Variants in SERPINB13 observed in about 807,000 individuals in gnomAD.
SERPINB13 encodes serpin B13.
SERPINB13 carries 26 observed loss-of-function variants against 31.2 expected under a neutral mutation model. The ratio of observed to expected loss-of-function variants is 0.83; its 90% confidence interval spans 0.61 to 1.15. The LOEUF is 1.15. SERPINB13 is among the 50% of genes most tolerant of loss of function. SERPINB13 has a pLI of 0.00. For synonymous variants in SERPINB13, 191 were observed against 172.4 expected (o/e 1.11, Z -0.85); for missense variants, 510 against 469.4 (o/e 1.09, Z -0.80).
chr18:63,588,297 G>A (rs1911627997), intron 1 of SERPINB13, among the ~76,000 whole-genome samples: 1 of 152,204 alleles, frequency 6.6e-6, no homozygotes, highest in South Asian at 2.1e-4. Context: ...GCCTGGACAA[G>A]GGCTGGGTCT....
At chr18:63,594,797 C>T (rs1196858187) in intron 6 of SERPINB13, among the ~76,000 whole-genome samples, 2 of 152,132 alleles carry the variant, frequency 1.3e-5, no homozygotes, top group Non-Finnish European at 2.9e-5. Context: ...CAAGATCATG[C>T]CACTGCACTC....
rs945457016 is a variant in SERPINB13 at position 63,598,305 on chromosome 18, G to A, written c.*942G>A. ...TTTGTCAAACTACAATTTACATGCC[G>A]TAAAATGTACACACTGTAATTTTAT... On this transcript the variant is annotated 3_prime_UTR_variant, in exon 8 of 8. Transcript: ENST00000344731. The A allele has an allele frequency of 1.2e-4, 18 of 151,988 alleles. No homozygotes were observed. Among genetic ancestry groups the A allele is most frequent in the South Asian group, 2.1e-4 (1 of 4,830 alleles). The allele number at this position is 151,988 out of a possible 1,614,324, so 9.4% of individuals were successfully genotyped here.
rs1367871672 is a variant in SERPINB13 at position 63,589,894 on chromosome 18, AC to A, written c.225+180del. The A allele has an allele frequency of 7.2e-5, 91 of 1,258,418 alleles. No homozygotes were observed. The East Asian group carries it at 2.3e-3, about 32-fold the overall frequency. The allele number at this position is 1,258,418 out of a possible 1,614,324, so 78.0% of individuals were successfully genotyped here. A position where few individuals can be genotyped will look rare whatever the true frequency, so the allele number is the denominator to read the frequency against. On this transcript the variant is annotated intron_variant, in intron 3 of 7. Coordinates refer to ENST00000344731, the MANE Select transcript of SERPINB13 (RefSeq NM_012397.4). ...AGACAAATATTGTTGTAAGGATTAT[AC>A]AATAATAATAACCCCTTAATATTGA...
rs1911935654 is a variant in SERPINB13 at position 63,592,858 on chromosome 18, A to G, written c.359A>G (p.Tyr120Cys). ...GEKTYLFLQK[Y>C]LDYVEKYYHA... ...CCTTCCTTGTTTCTCCTAAAGAAAT[A>G]CTTAGATTATGTTGAAAAATATTAT... Residue 120 changes from tyrosine to cysteine, a missense_variant, in exon 5 of 8, where the codon TAC becomes TGC. Transcript: ENST00000344731. The G allele has an allele frequency of 1.3e-6, 2 of 1,570,458 alleles. No homozygotes were observed. The highest frequency in any genetic ancestry group is 1.2e-5 in the South Asian group (1 of 86,492).
chr18:63,588,925 C>A (rs1337321246), intron 2 of SERPINB13, 93 bp downstream of exon 2: 1 of 1,315,416 alleles, frequency 7.6e-7, no homozygotes, highest in Non-Finnish European at 1.0e-6. Context: ...TAAAAATACG[C>A]TCTTCTTGAC....
chr18:63,588,802 C>A lies in SERPINB13; in HGVS notation c.135C>A (p.Thr45=), dbSNP rs1322069392. 5 of 1,614,028 alleles carry A rather than the reference C, an allele frequency of 3.1e-6. No homozygotes were observed. Among genetic ancestry groups the A allele is most frequent in the Non-Finnish European group, 4.2e-6 (5 of 1,179,986 alleles). Reference sequence around the variant, plus strand: ...CAATTGGCATGGTCCTCCTGGGGACCCGAGGAGCCACCGCTTCCCAGTTGG... The same window carrying A: ...CAATTGGCATGGTCCTCCTGGGGACACGAGGAGCCACCGCTTCCCAGTTGG... ...LTAIGMVLLG[T]RGATASQLEE... is the part of the protein sequence containing the mutation. Residue 45 remains threonine (T), a synonymous_variant, in exon 2 of 8, where the codon ACC becomes ACA. Coordinates refer to ENST00000344731, the MANE Select transcript of SERPINB13 (RefSeq NM_012397.4).
At chr18:63,588,958 T>A (rs1911681742) in intron 2 of SERPINB13, 126 bp downstream of exon 2, 5 of 1,063,364 alleles carry the variant, frequency 4.7e-6, no homozygotes, top group Non-Finnish European at 6.5e-6. Flanking sequence ...AAACAGAGAC[T>A]TTCAAGACAA....
At position 63,592,693 on chromosome 18, in the gene SERPINB13, TA is replaced by T. The variant is rs1271013656; in HGVS notation, c.355-156del. 2.0e-5 allele frequency among the ~76,000 whole-genome samples: 3 copies of T among 152,322 alleles called. No individual in the cohort carries two copies. In the East Asian group the frequency reaches 5.8e-4, roughly 29 times the overall value. On this transcript the variant is annotated intron_variant, in intron 4 of 7. Transcript: ENST00000344731. ...TTGCCTCATCCCCAGAATAGCTGCA[TA>T]AAAATGTGCAGCAGGAACTCAATGT...
At chr18:63,589,169 G>A (rs539301938) in intron 2 of SERPINB13, among the ~76,000 whole-genome samples, 6 of 152,178 alleles carry the variant, frequency 3.9e-5, no homozygotes, top group South Asian at 2.1e-4. Context: ...AAGCCAATAC[G>A]AGTTCCTTAG....
At position 63,598,679 on chromosome 18, in the gene SERPINB13, T is replaced by C. The variant is rs1416214024; in HGVS notation, c.*1316T>C. On this transcript the variant is annotated 3_prime_UTR_variant, in exon 8 of 8. Coordinates refer to ENST00000344731, the MANE Select transcript of SERPINB13 (RefSeq NM_012397.4). ...CACCAGTTGAGGGACATTTGGATTG[T>C]TCCCACTTCTTGGCTGTTAGGAATA... The C allele has an allele frequency of 1.3e-5, 2 of 152,240 alleles. No individual in the cohort carries two copies. The highest frequency in any genetic ancestry group is 2.9e-5 in the Non-Finnish European group (2 of 68,034). The allele number at this position is 152,240 out of a possible 1,614,324, so 9.4% of individuals were successfully genotyped here.
At chr18:63,588,208 T>C (rs879297185) in intron 1 of SERPINB13, among the ~76,000 whole-genome samples, 5 of 152,164 alleles carry the variant, frequency 3.3e-5, no homozygotes, top group Non-Finnish European at 7.3e-5. Context: ...AGAGCACTGT[T>C]TGAACTTGAG....
Position 63,592,966 on chromosome 18 carries a change from C to T in SERPINB13, c.467C>T (p.Thr156Ile), listed in dbSNP as rs372447873. 1 of 1,598,296 alleles carries T rather than the reference C, an allele frequency of 6.3e-7. No homozygotes were observed. The change falls in exon 5 of 8, where the codon ACA becomes ATA. Residue 156 changes from threonine to isoleucine, a missense_variant. Transcript: ENST00000344731. ...KKINSWVESK[T>I]NEKIKDLFPD... ...ATTAATTCCTGGGTTGAAAGCAAAA[C>T]AAATGGTAGAGTATGGGTGGGTCAT... is the stretch of plus-strand genomic sequence containing the variant.
intron 7 of SERPINB13, 133 bp from the exon 8 acceptor site, chr18:63,596,826 A>G (rs535708842): frequency 5.2e-5 from 36 of 690,700 alleles, no homozygotes; most frequent in Non-Finnish European, 7.6e-5. Context: ...TAAAGACAAC[A>G]ATCTAGTGAA....
At chr18:63,594,748 A>T (rs1912061742) in intron 6 of SERPINB13, among the ~76,000 whole-genome samples, 1 of 152,104 alleles carries the variant, frequency 6.6e-6, no homozygotes, top group Non-Finnish European at 1.5e-5. Context: ...CTGAGGCAGG[A>T]CAATTGCTTG....
chr18:63,589,229 C>T (rs1911698097), intron 2 of SERPINB13, among the ~76,000 whole-genome samples: 1 of 152,122 alleles, frequency 6.6e-6, no homozygotes, highest in African/African-American at 2.4e-5. Flanking sequence ...CCATGTTGGC[C>T]AGGCTAGTCT....
chr18:63,592,623 A>G, intron 4 of SERPINB13, 147 bp downstream of exon 4: 1 of 898,930 alleles, frequency 1.1e-6, no homozygotes, highest in Non-Finnish European at 1.7e-6. Context: ...GATATTCAGA[A>G]CTGCAGGGAG....
chr18:63,588,345 G>C (rs1207048163), intron 1 of SERPINB13, among the ~76,000 whole-genome samples: 3 of 152,182 alleles, frequency 2.0e-5, no homozygotes, highest in Non-Finnish European at 4.4e-5. Flanking sequence ...GCTGTGGAGA[G>C]GCAGAGACAG....
In SERPINB13 at chr18:63,589,649, C is replaced by T. The variant is rs1568143590; in HGVS notation, c.166-7C>T. Reference sequence around the variant, plus strand: ...AGCACCACAGTAATATTTTCTATCTCTTCCAGGTGTTTCACTCTGAAAAAG... The same window carrying T: ...AGCACCACAGTAATATTTTCTATCTTTTCCAGGTGTTTCACTCTGAAAAAG... On this transcript the variant is annotated splice_polypyrimidine_tract_variant and splice_region_variant and intron_variant, in intron 2 of 7. Transcript: ENST00000344731. 1.9e-6 allele frequency: 3 copies of T among 1,613,360 alleles called. No individual in the cohort carries two copies. Among genetic ancestry groups the T allele is most frequent in the Non-Finnish European group, 2.5e-6 (3 of 1,179,702 alleles).
At position 63,597,891 on chromosome 18, in the gene SERPINB13, T is replaced by C. The variant is rs146807242; in HGVS notation, c.*528T>C. Reference sequence around the variant, plus strand: ...AATGCCAGGACAAAATAAAACAATATACCAGATGGAGAGGATGCCCGTATT... The same window carrying C: ...AATGCCAGGACAAAATAAAACAATACACCAGATGGAGAGGATGCCCGTATT... On this transcript the variant is annotated 3_prime_UTR_variant, in exon 8 of 8. Transcript: ENST00000344731. The C allele has an allele frequency of 2.6e-5, 4 of 153,400 alleles. No individual in the cohort carries two copies. The highest frequency in any genetic ancestry group is 9.6e-5 in the African/African-American group (4 of 41,572). The allele number at this position is 153,400 out of a possible 1,614,324, so 9.5% of individuals were successfully genotyped here. A position where few individuals can be genotyped will look rare whatever the true frequency, so the allele number is the denominator to read the frequency against.
Sources: allele counts gnomAD v4.1 joint callset (sites outside exome capture counted in the v4.1 genomes callset), GRCh38; gene constraint gnomAD v4.1.1; transcripts MANE v1.5; gene names NCBI Gene and HGNC (gene_info 2026-07-23, HGNC 2026-07-21).